The following CSMD1 variants were observed in gnomAD, a reference collection of about 807,000 sequenced individuals.
The protein encoded by CSMD1 is CUB and Sushi multiple domains 1.
A neutral mutation model predicts 417.5 loss-of-function variants in CSMD1; 213 were observed. That is an observed-to-expected ratio of 0.51 (90% CI 0.46 to 0.57). The LOEUF (loss-of-function observed/expected upper bound fraction) is 0.57, where lower values mean the gene tolerates loss of function less well. Among genes scored for constraint, CSMD1 ranks in the 20% least tolerant of loss-of-function variants. The pLI is 0.00. For synonymous variants in CSMD1, 2,862 were observed against 1,736.8 expected (o/e 1.65, Z -16.11); for missense variants, 6,923 against 4,529.7 (o/e 1.53, Z -15.17).
intron 3 of CSMD1, among the ~76,000 whole-genome samples, chr8:4,236,480 C>G (rs1275577295): frequency 1.3e-5 from 2 of 152,120 alleles, no homozygotes; most frequent in Non-Finnish European, 2.9e-5. Context: ...TGGCTGTATT[C>G]ATGGGCCAGA....
intron 16 of CSMD1, among the ~76,000 whole-genome samples, chr8:3,396,792 G>A (rs548555852): frequency 6.6e-6 from 1 of 151,830 alleles, no homozygotes; most frequent in East Asian, 1.9e-4. Flanking sequence ...CATAATTATA[G>A]ACATCTTAAA....
chr8:3,411,906 A>G (rs62643691), intron 12 of CSMD1, among the ~76,000 whole-genome samples: 10,585 of 35,996 alleles, frequency 0.29, 703 homozygotes, highest in Middle Eastern at 0.47. Context: ...ACGTATATAT[A>G]CACGTATATA....
chr8:4,199,082 C>A (rs564686955), intron 3 of CSMD1, among the ~76,000 whole-genome samples: 8 of 152,112 alleles, frequency 5.3e-5, no homozygotes, highest in Non-Finnish European at 7.3e-5. Context: ...GGTAGTAGAG[C>A]CAGCGCCCAG....
intron 5 of CSMD1, among the ~76,000 whole-genome samples, chr8:3,840,503 A>C (rs569249671): frequency 4.1e-4 from 63 of 152,268 alleles, no homozygotes; most frequent in Non-Finnish European, 7.5e-4. Context: ...AATAAAAAAT[A>C]TAGGCAAAAC....
At chr8:3,332,036 T>A (rs1806932741) in intron 23 of CSMD1, among the ~76,000 whole-genome samples, 2 of 152,138 alleles carry the variant, frequency 1.3e-5, no homozygotes, top group African/African-American at 4.8e-5. Context: ...ATAGACAGAA[T>A]GATAATAGAT....
intron 1 of CSMD1, among the ~76,000 whole-genome samples, chr8:4,865,611 T>G (rs1400070694): frequency 6.6e-6 from 1 of 151,958 alleles, no homozygotes; most frequent in Non-Finnish European, 1.5e-5. Flanking sequence ...CCTTTTCAGT[T>G]TCCATTTTTA....
chr8:4,104,112 A>G (rs530610510), intron 3 of CSMD1, among the ~76,000 whole-genome samples: 196 of 152,358 alleles, frequency 1.3e-3, no homozygotes, highest in African/African-American at 4.4e-3. Flanking sequence ...GACCTGTCCC[A>G]CAGAAGCAGA....
At chr8:3,732,187 CAG>C (rs1037191326) in intron 6 of CSMD1, among the ~76,000 whole-genome samples, 2 of 152,208 alleles carry the variant, frequency 1.3e-5, no homozygotes, top group Non-Finnish European at 2.9e-5. Flanking sequence ...GCCTTGGGAA[CAG>C]AGTCTTTCCG....
intron 3 of CSMD1, among the ~76,000 whole-genome samples, chr8:4,306,673 C>G (rs186811287): frequency 6.6e-6 from 1 of 152,192 alleles, no homozygotes; most frequent in African/African-American, 2.4e-5. Context: ...GGTGATTGTA[C>G]AATTCACATG....
intron 3 of CSMD1, among the ~76,000 whole-genome samples, chr8:4,275,083 T>A (rs946446219): frequency 6.6e-5 from 10 of 152,164 alleles, no homozygotes; most frequent in Admixed American, 4.6e-4. Flanking sequence ...ATTAGTGATA[T>A]AAGAAAAACA....
chr8:4,624,449 C>G (rs1801979422), intron 2 of CSMD1, among the ~76,000 whole-genome samples: 1 of 152,266 alleles, frequency 6.6e-6, no homozygotes, highest in South Asian at 2.1e-4. Context: ...GCATATGGCA[C>G]TGACAAGGCT....
chr8:3,641,025 T>A (rs953394307), intron 7 of CSMD1, among the ~76,000 whole-genome samples: 4 of 81,264 alleles, frequency 4.9e-5, no homozygotes, highest in African/African-American at 3.1e-4. Context: ...CCTTTTTTCC[T>A]TTTTTTTTTT....
chr8:4,781,684 G>T (rs1585088996), intron 1 of CSMD1, among the ~76,000 whole-genome samples: 1 of 152,160 alleles, frequency 6.6e-6, no homozygotes, highest in Non-Finnish European at 1.5e-5. Context: ...CGGTCATGAA[G>T]AAGTCAGGTG....
intron 12 of CSMD1, among the ~76,000 whole-genome samples, chr8:3,451,344 C>G (rs1815699618): frequency 1.3e-5 from 2 of 152,112 alleles, no homozygotes; most frequent in Admixed American, 6.5e-5. Context: ...TCAATTTTGG[C>G]TTTTGTTGCC....
intron 2 of CSMD1, among the ~76,000 whole-genome samples, chr8:4,487,930 T>C (rs1418505273): frequency 2.6e-5 from 4 of 152,184 alleles, no homozygotes; most frequent in Non-Finnish European, 4.4e-5. Flanking sequence ...TATGAAACCC[T>C]GTGTCGTAGA....
At chr8:4,298,367 TTTTA>T (rs1158384141) in intron 3 of CSMD1, among the ~76,000 whole-genome samples, 86 of 152,282 alleles carry the variant, frequency 5.6e-4, no homozygotes, top group African/African-American at 1.9e-3. Context: ...CTGTAATAGT[TTTTA>T]TTTACTGTAT....
intron 1 of CSMD1, among the ~76,000 whole-genome samples, chr8:4,881,388 T>G (rs1289050233): frequency 1.3e-5 from 2 of 151,932 alleles, no homozygotes; most frequent in African/African-American, 4.8e-5. Flanking sequence ...ATGGATATAG[T>G]TGAACAAATA....
At chr8:3,442,802 T>G (rs551569558) in intron 12 of CSMD1, among the ~76,000 whole-genome samples, 111 of 152,270 alleles carry the variant, frequency 7.3e-4, no homozygotes, top group African/African-American at 2.3e-3. Flanking sequence ...TTTTTGTGTC[T>G]ATATTTATGA....
In CSMD1 at chr8:4,041,128, T is replaced by C. The variant is rs538858594; in HGVS notation, c.416-9029A>G. Reference sequence around the variant, plus strand: ...GCCTCCCGGGTTCCCGCCATTCTCCTGCCTCAGCCTCCCGAGTAGCTGGGA... The same window carrying C: ...GCCTCCCGGGTTCCCGCCATTCTCCCGCCTCAGCCTCCCGAGTAGCTGGGA... On this transcript the variant is annotated intron_variant, in intron 3 of 69. Transcript: ENST00000635120. Among the ~76,000 whole-genome samples the C allele has an allele frequency of 8.8e-3, 1,307 of 149,212 alleles. 5 individuals carry two copies. Among genetic ancestry groups the C allele is most frequent in the Middle Eastern group, 0.024 (7 of 290 alleles).
Sources: allele counts gnomAD v4.1 joint callset (sites outside exome capture counted in the v4.1 genomes callset), GRCh38; gene constraint gnomAD v4.1.1; transcripts MANE v1.5; gene names NCBI Gene and HGNC (gene_info 2026-07-23, HGNC 2026-07-21).